WIPF3: variants seen among roughly 807,000 people sequenced by gnomAD.
WIPF3 encodes the protein WAS/WASL interacting protein family member 3, also known as WAS/WASL-interacting protein family member 3.
WIPF3 carries 33 observed loss-of-function variants against 38.9 expected under a neutral mutation model. The ratio of observed to expected loss-of-function variants is 0.85; its 90% CI spans 0.64 to 1.14. WIPF3 has a LOEUF of 1.14. Among genes scored for constraint, WIPF3 ranks in the 50% most tolerant of loss-of-function variants. The pLI is 0.00. For missense variants in WIPF3, 711 were observed against 652.5 expected, an observed-to-expected ratio of 1.09 and a Z score of -0.98; for synonymous variants, 324 against 269.3, an observed-to-expected ratio of 1.20 and a Z score of -1.99.
At position 29,878,472 on chromosome 7, in the gene WIPF3, G is replaced by A. The variant is rs1317245596; in HGVS notation, c.224-537G>A. 6.6e-6 allele frequency among the ~76,000 whole-genome samples: 1 copy of A among 152,156 alleles called. No individual in the cohort carries two copies. The highest frequency in any genetic ancestry group is 1.5e-5 in the Non-Finnish European group (1 of 68,036). On this transcript the variant is annotated intron_variant, in intron 3 of 8. Transcript: ENST00000242140. This position sits in a 1 kb window ranked among gnomAD's most constrained non-coding sequence, Gnocchi z 4.0. ...TGAAAAGGTGCAGGGAGGTGCGAGG[G>A]GCTGGGGGCTTGAGGGCTGGAGAGA...
At chr7:29,830,853 G>A (rs1367346672) in intron 1 of WIPF3, among the ~76,000 whole-genome samples, 2 of 152,168 alleles carry the variant, frequency 1.3e-5, no homozygotes, top group Non-Finnish European at 1.5e-5. Context: ...CCGGGTGGGA[G>A]AGTCAAAAAG....
intron 2 of WIPF3, among the ~76,000 whole-genome samples, chr7:29,862,445 C>G (rs533986953): frequency 1.3e-5 from 2 of 152,252 alleles, no homozygotes; most frequent in East Asian, 3.9e-4. Flanking sequence ...CTGGGAAAGG[C>G]CTGGTCATTT....
chr7:29,873,878 G>A (rs1260860481), intron 2 of WIPF3, among the ~76,000 whole-genome samples: 1 of 152,214 alleles, frequency 6.6e-6, no homozygotes, highest in Non-Finnish European at 1.5e-5. Context: ...AACTGCCTCT[G>A]CTTCTAGTCT....
rs184969767 is a variant in WIPF3 at position 29,915,793 on chromosome 7, A to G, written c.*1277A>G. The stretch of plus-strand genomic sequence containing the variant: ...CGGGGAAGACTGTGACAGAGGAAGG[A>G]GAAAAAATAGAAGGAAACAGACTGA... On this transcript the variant is annotated 3_prime_UTR_variant, in exon 9 of 9. Transcript: ENST00000242140. The G allele has an allele frequency of 2.1e-4, 32 of 152,414 alleles. No individual in the cohort carries two copies. Among genetic ancestry groups the G allele is most frequent in the African/African-American group, 7.7e-4 (32 of 41,566 alleles). The allele number at this position is 152,414 out of a possible 1,614,324, so 9.4% of individuals were successfully genotyped here.
rs111284331 is a variant in WIPF3 at position 29,855,610 on chromosome 7, T to G, written c.91-20220T>G. ...GGGGGCCACTGTTGTTCTAATTGAT[T>G]CTTGCTGGAGTGATGGGGCTCAGTT... On this transcript the variant is annotated intron_variant, in intron 2 of 8. Coordinates refer to ENST00000242140, the MANE Select transcript of WIPF3 (RefSeq NM_001080529.3). Among the ~76,000 whole-genome samples, 472 of 152,096 alleles carry G rather than the reference T, an allele frequency of 3.1e-3. 8 individuals are homozygous for G. The highest frequency in any genetic ancestry group is 9.5e-3 in the African/African-American group (394 of 41,366).
intron 1 of WIPF3, among the ~76,000 whole-genome samples, chr7:29,827,049 A>C (rs972628309): frequency 3.3e-5 from 5 of 152,170 alleles, no homozygotes; most frequent in Non-Finnish European, 7.4e-5. Context: ...ACACTCTAAG[A>C]ACAGTGTCTG....
At chr7:29,859,789 A>G (rs867665845) in intron 2 of WIPF3, among the ~76,000 whole-genome samples, 42 of 152,296 alleles carry the variant, frequency 2.8e-4, no homozygotes, top group Admixed American at 4.6e-4. Context: ...GCCATTTTAC[A>G]TAAGTTTATA....
chr7:29,827,480 AT>A (rs569881420), intron 1 of WIPF3, among the ~76,000 whole-genome samples: 1 of 152,172 alleles, frequency 6.6e-6, no homozygotes, highest in South Asian at 2.1e-4. Flanking sequence ...AGAACCCTTT[AT>A]TTGTTCCTTG....
intron 2 of WIPF3, among the ~76,000 whole-genome samples, chr7:29,875,066 G>C (rs1785562466): frequency 6.6e-6 from 1 of 152,166 alleles, no homozygotes; most frequent in Non-Finnish European, 1.5e-5. Flanking sequence ...ACAAGGTCTT[G>C]TGAGGACTAA....
chr7:29,894,304 G>A (rs1045645260), intron 7 of WIPF3, among the ~76,000 whole-genome samples: 1 of 152,178 alleles, frequency 6.6e-6, no homozygotes, highest in Admixed American at 6.5e-5. Context: ...AGCTTGCCAG[G>A]AGGGTGCAAT....
chr7:29,915,917 C>T lies in WIPF3; in HGVS notation c.*1401C>T, dbSNP rs1451235650. On this transcript the variant is annotated 3_prime_UTR_variant, in exon 9 of 9. Transcript: ENST00000242140. ...GAAATTTGCTTTGCAACAACCCACG[C>T]ACACATTCACCCCTGAAGTATATCA... The T allele has an allele frequency of 6.6e-6, 1 of 152,390 alleles. No homozygotes were observed. Among genetic ancestry groups the T allele is most frequent in the Non-Finnish European group, 1.5e-5 (1 of 68,190 alleles). 9.4% of individuals were successfully genotyped at this position (152,390 alleles called of 1,614,324 possible).
chr7:29,834,513 T>C (rs1358040504), intron 1 of WIPF3, among the ~76,000 whole-genome samples, 155 bp from the exon 2 acceptor site: 2 of 152,050 alleles, frequency 1.3e-5, no homozygotes, highest in African/African-American at 4.8e-5. Flanking sequence ...TGCCTCAGAG[T>C]GGGCACTCTG....
chr7:29,910,427 A>G (rs545214285), intron 8 of WIPF3, among the ~76,000 whole-genome samples: 83 of 152,290 alleles, frequency 5.5e-4, no homozygotes, highest in African/African-American at 2.0e-3. Context: ...CTATTCTATG[A>G]GACCAGCATT....
chr7:29,842,384 A>G (rs1483155104), intron 2 of WIPF3, among the ~76,000 whole-genome samples: 2 of 152,214 alleles, frequency 1.3e-5, no homozygotes, highest in African/African-American at 2.4e-5. Flanking sequence ...GAGGTGCCGT[A>G]TATTTCTGCC....
intron 2 of WIPF3, among the ~76,000 whole-genome samples, chr7:29,846,250 A>AT (rs1387555085): frequency 1.3e-5 from 2 of 152,186 alleles, no homozygotes; most frequent in South Asian, 2.1e-4. Flanking sequence ...TTGCATGAAG[A>AT]TTTTTTAAAA....
intron 2 of WIPF3, among the ~76,000 whole-genome samples, chr7:29,840,488 G>A (rs1466687926): frequency 6.6e-6 from 1 of 152,158 alleles, no homozygotes; most frequent in Non-Finnish European, 1.5e-5. Context: ...TATATTTGAT[G>A]TTTTGTGTCA....
chr7:29,904,136 G>C (rs369139190), intron 7 of WIPF3, 150 bp from the exon 8 acceptor site: 288 of 654,924 alleles, frequency 4.4e-4, no homozygotes, highest in Admixed American at 8.3e-4. Context: ...CTTTGACATA[G>C]AAGATGGGAG....
rs1234946670 is a variant in WIPF3 at position 29,884,424 on chromosome 7, G to GT, written c.930_931insT (p.Pro311SerfsTer7). Reference sequence around the variant, plus strand: ...GCTCCCCGAGGGCTTCTTTGCCCGCGCCCCCTTTGCCAGGAGTTAATAGCA... The same window carrying GT: ...GCTCCCCGAGGGCTTCTTTGCCCGCGTCCCCCTTTGCCAGGAGTTAATAGCA... On this transcript the variant is annotated frameshift_variant, in exon 5 of 9. Coordinates refer to ENST00000242140, the MANE Select transcript of WIPF3 (RefSeq NM_001080529.3). LOFTEE classifies it high-confidence loss of function. 2.1e-6 allele frequency: 3 copies of GT among 1,456,208 alleles called. No homozygotes were observed. The African/African-American group carries it at 5.1e-5, about 25-fold the overall frequency. 90.2% of individuals were successfully genotyped at this position (1,456,208 alleles called of 1,614,324 possible).
Position 29,881,958 on chromosome 7 carries a change from C to G in WIPF3, c.356-1892C>G, listed in dbSNP as rs75194539. The stretch of plus-strand genomic sequence containing the variant: ...CCTCCCTTACTTCCTTCAACTCCCT[C>G]GGAGCTCTCTGTCGGCCCAGGCCTG... On this transcript the variant is annotated intron_variant, in intron 4 of 8. Transcript: ENST00000242140. Among the ~76,000 whole-genome samples the G allele has an allele frequency of 2.2e-3, 334 of 152,304 alleles. 1 individual carries two copies. The highest frequency in any genetic ancestry group is 7.6e-3 in the African/African-American group (317 of 41,560).
Sources: allele counts gnomAD v4.1 joint callset (sites outside exome capture counted in the v4.1 genomes callset), GRCh38; gene constraint gnomAD v4.1.1; non-coding constraint Gnocchi (gnomAD v3.1); transcripts MANE v1.5; gene names NCBI Gene and HGNC (gene_info 2026-07-23, HGNC 2026-07-21).